The following RTEL1 variants were observed in gnomAD, a reference collection of about 807,000 sequenced individuals.
The protein encoded by RTEL1 is regulator of telomere length.
Under a neutral mutation model 162.2 loss-of-function variants are expected in RTEL1, and 86 were observed. The observed-to-expected ratio is 0.53, with a 90% CI of 0.45 to 0.63. The LOEUF is 0.63. Among genes scored for constraint, RTEL1 ranks in the 30% least tolerant of loss-of-function variants. RTEL1 has a pLI of 0.00. For missense variants in RTEL1, 1,941 were observed against 1,750.2 expected, an observed-to-expected ratio of 1.11 and a Z score of -1.95; for synonymous variants, 958 against 717.9, an observed-to-expected ratio of 1.33 and a Z score of -5.35.
chr20:63,695,454 C>A lies in RTEL1; in HGVS notation c.3626C>A (p.Pro1209His). The A allele has an allele frequency of 6.3e-7, 1 of 1,589,968 alleles. No homozygotes were observed. The highest frequency in any genetic ancestry group is 8.6e-7 in the Non-Finnish European group (1 of 1,167,572). The part of the protein sequence containing the change: ...DAGPSQSSGP[P>H]HGPAASEWGE... ...GGTCCCAGCCAGTCCTCAGGACCTC[C>A]CCACGGGCCTGCAGCATCTGAGTGG... Residue 1209 changes from proline (P) to histidine (H), a missense_variant, in exon 34 of 35, where the codon CCC becomes CAC. By Grantham distance (77) the Pro-to-His change is moderately conservative. Coordinates refer to ENST00000360203, the MANE Select transcript of RTEL1 (RefSeq NM_001283009.2).
In RTEL1 at chr20:63,687,974, G is replaced by A. The variant is rs778782744; in HGVS notation, c.1519G>A (p.Asp507Asn). 21 of 1,612,654 alleles carry A rather than the reference G, an allele frequency of 1.3e-5. No homozygotes were observed. The highest frequency in any genetic ancestry group is 8.9e-5 in the East Asian group (4 of 44,886). The change falls in exon 18 of 35, where the codon GAC becomes AAC. Residue 507 changes from aspartate (D) to asparagine (N), a missense_variant. Coordinates refer to ENST00000360203, the MANE Select transcript of RTEL1 (RefSeq NM_001283009.2). ...PVCLENPHII[D>N]KHQIWVGVVP... is the part of the protein sequence containing the mutation. The stretch of plus-strand genomic sequence containing the variant: ...CTGCCTGGAGAACCCACACATCATC[G>A]ACAAGCACCAGATCTGGGTGGGGGT...
rs2090722088 is a variant in RTEL1 at position 63,690,836 on chromosome 20, C to T, written c.2445C>T (p.Ser815=). The T allele has an allele frequency of 1.2e-6, 2 of 1,605,530 alleles. No homozygotes were observed. Among genetic ancestry groups the T allele is most frequent in the South Asian group, 2.2e-5 (2 of 90,032 alleles). ...CAGCTGCCGGGGACCCCGAGAGTAG[C>T]CTGTGTGTGGAGTATGAGCAGGAGC... The part of the protein sequence containing the change: ...GSPAAGDPES[S]LCVEYEQEPV... Residue 815 remains serine, a synonymous_variant, in exon 27 of 35, where the codon AGC becomes AGT. Transcript: ENST00000360203.
At chr20:63,684,375 C>A (rs995933077) in intron 14 of RTEL1, among the ~76,000 whole-genome samples, 2 of 152,024 alleles carry the variant, frequency 1.3e-5, no homozygotes, top group African/African-American at 2.4e-5. Context: ...GTTTTTGAGA[C>A]AGAGTTTTGC....
chr20:63,678,010 C>T, intron 10 of RTEL1, 135 bp from the exon 11 acceptor site: 1 of 975,722 alleles, frequency 1.0e-6, no homozygotes, highest in East Asian at 2.6e-5. Context: ...TGGATTTGGC[C>T]TGCATGGATT....
At position 63,691,857 on chromosome 20, in the gene RTEL1, AC is replaced by A. The variant is rs1223084415; in HGVS notation, c.2652+22del. The A allele has an allele frequency of 6.3e-7, 1 of 1,593,214 alleles. No individual in the cohort carries two copies. The highest frequency in any genetic ancestry group is 1.3e-5 in the African/African-American group (1 of 74,598). The stretch of plus-strand genomic sequence containing the variant: ...CACCCGGTGCGTGAGCTGTCCCTGC[AC>A]CTGTGCCGACCACCATAGACACGCA... On this transcript the variant is annotated intron_variant, in intron 28 of 34. Coordinates refer to ENST00000360203, the MANE Select transcript of RTEL1 (RefSeq NM_001283009.2).
At position 63,685,603 on chromosome 20, in the gene RTEL1, G is replaced by T. The variant is rs761361871; in HGVS notation, c.1266+6G>T. 12 of 1,609,500 alleles carry T rather than the reference G, an allele frequency of 7.5e-6. No individual in the cohort carries two copies. The African/African-American group carries it at 1.6e-4, about 21-fold the overall frequency. ...GGGCCTTACAGTCCTATAAGGTAGGGGCCACCTCCAGGAGGCAGGTGGAGG... is the reference window on the plus strand; with the variant it reads ...GGGCCTTACAGTCCTATAAGGTAGGTGCCACCTCCAGGAGGCAGGTGGAGG... On this transcript the variant is annotated splice_donor_region_variant and intron_variant, in intron 15 of 34. Transcript: ENST00000360203.
Position 63,685,862 on chromosome 20 carries a change from C to T in RTEL1, c.1338C>T (p.Ala446=). 6.2e-7 allele frequency: 1 copy of T among 1,612,556 alleles called. No homozygotes were observed. Among genetic ancestry groups the T allele is most frequent in the East Asian group, 2.2e-5 (1 of 44,880 alleles). ...QRSDAWSTTA[A]RKRGKVLSYW... is the part of the protein sequence containing the mutation. ...CTGATGCCTGGAGCACCACTGCAGC[C>T]AGAAAGCGAGGTACAGACCTGGGCC... Residue 446 remains alanine, a synonymous_variant, in exon 16 of 35, where the codon GCC becomes GCT. Coordinates refer to ENST00000360203, the MANE Select transcript of RTEL1 (RefSeq NM_001283009.2).
At chr20:63,662,669 C>G (rs200240341) in intron 5 of RTEL1, 42 bp downstream of exon 5, 1 of 1,611,580 alleles carries the variant, frequency 6.2e-7, no homozygotes. Context: ...GTCCGACAGG[C>G]GAGTGCTGCT....
intron 10 of RTEL1, among the ~76,000 whole-genome samples, chr20:63,675,780 A>G (rs1325935469): frequency 6.6e-6 from 1 of 152,088 alleles, no homozygotes; most frequent in Non-Finnish European, 1.5e-5. Context: ...CCACCTCTCT[A>G]ACGGGGTGGA....
At chr20:63,677,065 G>A (rs1041301322) in intron 10 of RTEL1, among the ~76,000 whole-genome samples, 11 of 151,180 alleles carry the variant, frequency 7.3e-5, no homozygotes, top group African/African-American at 1.2e-4. Context: ...TTTTCATGTG[G>A]GCTCTTGTGT....
rs199983541 is a variant in RTEL1, at chr20:63,678,236, G to A, written c.959-32G>A. The A allele has an allele frequency of 8.9e-5, 144 of 1,612,664 alleles. No individual in the cohort carries two copies. The African/African-American group carries it at 9.9e-4, about 11-fold the overall frequency. ...CAGCTGGGTGGGGCCTCCTCCTTGC[G>A]AGGAGGTGGGTGACACCTCCTCGAC... On this transcript the variant is annotated intron_variant, in intron 11 of 34. Coordinates refer to ENST00000360203, the MANE Select transcript of RTEL1 (RefSeq NM_001283009.2).
chr20:63,659,323 T>C lies in RTEL1; in HGVS notation c.-80T>C. ...ACCAGGAGTGCCCGAGACCCTAAGA[T>C]GTTCGGAGTGGTTTTTTCGCACAGA... On this transcript the variant is annotated 5_prime_UTR_variant, in exon 2 of 35. The change abolishes an upstream ATG in the 5' untranslated region. Transcript: ENST00000360203. The C allele has an allele frequency of 1.1e-6, 1 of 930,456 alleles. No homozygotes were observed. 57.6% of individuals were successfully genotyped at this position (930,456 alleles called of 1,614,324 possible).
chr20:63,666,985 G>T (rs891162118), intron 7 of RTEL1, among the ~76,000 whole-genome samples: 1 of 151,950 alleles, frequency 6.6e-6, no homozygotes, highest in Non-Finnish European at 1.5e-5. Context: ...GACTACAGGT[G>T]CCCGCCACCA....
intron 23 of RTEL1, 44 bp downstream of exon 23, chr20:63,689,692 C>T (rs368571741): frequency 6.2e-7 from 1 of 1,604,334 alleles, no homozygotes; most frequent in Non-Finnish European, 8.5e-7. Flanking sequence ...GGTCTGGTGA[C>T]TGAGCCCCCG....
At chr20:63,666,710 A>AT (rs1377942741) in intron 7 of RTEL1, among the ~76,000 whole-genome samples, 3 of 150,070 alleles carry the variant, frequency 2.0e-5, no homozygotes, top group South Asian at 2.1e-4. Context: ...TAATTTTTGT[A>AT]TTTTTTGTAC....
intron 33 of RTEL1, 31 bp from the exon 34 acceptor site, chr20:63,695,297 G>A (rs371451942): frequency 1.3e-5 from 21 of 1,584,148 alleles, no homozygotes; most frequent in Non-Finnish European, 1.6e-5. Flanking sequence ...AAAGCCCCAG[G>A]CCCCCCTCAG....
At chr20:63,658,859 C>A in intron 1 of RTEL1, 1 of 156,972 alleles carries the variant, frequency 6.4e-6, no homozygotes, top group Admixed American at 6.1e-5. Flanking sequence ...TGGACTCCAG[C>A]CAGCCAGGAG....
chr20:63,677,063 TG>T (rs1569093877), intron 10 of RTEL1, among the ~76,000 whole-genome samples: 10 of 151,290 alleles, frequency 6.6e-5, no homozygotes, highest in Middle Eastern at 3.4e-3. Context: ...TGTTTTCATG[TG>T]GGCTCTTGTG....
rs1359640695 is a variant in RTEL1, at chr20:63,659,261, A to G, written c.-142A>G. On this transcript the variant is annotated 5_prime_UTR_variant, in exon 2 of 35. Coordinates refer to ENST00000360203, the MANE Select transcript of RTEL1 (RefSeq NM_001283009.2). Reference sequence around the variant, plus strand: ...TGTGCCATAGGGATTCTCGAAGAGAACAGCGTTGTGTCCCAGTGCACATGC... The same window carrying G: ...TGTGCCATAGGGATTCTCGAAGAGAGCAGCGTTGTGTCCCAGTGCACATGC... 1 of 668,804 alleles carries G rather than the reference A, an allele frequency of 1.5e-6. No individual in the cohort carries two copies. Among genetic ancestry groups the G allele is most frequent in the Non-Finnish European group, 2.8e-6 (1 of 362,180 alleles). The allele number at this position is 668,804 out of a possible 1,614,324, so 41.4% of individuals were successfully genotyped here. A position where few individuals can be genotyped will look rare whatever the true frequency, so the allele number is the denominator to read the frequency against.
Sources: allele counts gnomAD v4.1 joint callset (sites outside exome capture counted in the v4.1 genomes callset), GRCh38; gene constraint gnomAD v4.1.1; transcripts MANE v1.5; gene names NCBI Gene and HGNC (gene_info 2026-07-23, HGNC 2026-07-21).